The following RAP1GAP2 variants were observed in gnomAD, a reference collection of about 807,000 sequenced individuals.
The protein encoded by RAP1GAP2 is rap1 GTPase-activating protein 2.
In RAP1GAP2, 27 loss-of-function variants were observed where a neutral mutation model predicts 95.0. The observed-to-expected ratio is 0.28, with a 90% CI of 0.21 to 0.39. The LOEUF is 0.39. Among genes scored for constraint, RAP1GAP2 ranks in the 10% least tolerant of loss-of-function variants. RAP1GAP2 has a pLI of 1.00. For missense variants in RAP1GAP2, 771 were observed against 970.0 expected, an observed-to-expected ratio of 0.79 and a Z score of 2.72; for synonymous variants, 373 against 380.9, an observed-to-expected ratio of 0.98 and a Z score of 0.24.
At chr17:2,762,645 C>T (rs917562299) in intron 1 of RAP1GAP2, among the ~76,000 whole-genome samples, 2 of 151,812 alleles carry the variant, frequency 1.3e-5, no homozygotes, top group Non-Finnish European at 2.9e-5. Flanking sequence ...AGATGATCCA[C>T]TTGCCTTGGC....
intron 3 of RAP1GAP2, among the ~76,000 whole-genome samples, chr17:2,949,471 T>C (rs902804151): frequency 1.3e-5 from 2 of 152,014 alleles, no homozygotes; most frequent in African/African-American, 2.4e-5. Context: ...GAGCATTAAC[T>C]GAGTGCCTGT....
chr17:2,947,733 G>A (rs1163546674), intron 3 of RAP1GAP2, among the ~76,000 whole-genome samples: 4 of 151,830 alleles, frequency 2.6e-5, no homozygotes, highest in Non-Finnish European at 5.9e-5. Context: ...CGGGCAGTGT[G>A]GCGTGCTCGG....
At chr17:2,846,015 C>T (rs1239348652) in intron 2 of RAP1GAP2, among the ~76,000 whole-genome samples, 2 of 151,802 alleles carry the variant, frequency 1.3e-5, no homozygotes, top group East Asian at 3.9e-4. Context: ...AACCGAGTCT[C>T]TACTAAAAAT....
At position 2,902,931 on chromosome 17, in the gene RAP1GAP2, A is replaced by C. The variant is rs1354807472; in HGVS notation, c.81-2353A>C. Among the ~76,000 whole-genome samples, 1 of 152,110 alleles carries C rather than the reference A, an allele frequency of 6.6e-6. No individual in the cohort carries two copies. The highest frequency in any genetic ancestry group is 1.5e-5 in the Non-Finnish European group (1 of 68,018). On this transcript the variant is annotated intron_variant, in intron 2 of 24. Transcript: ENST00000254695. The surrounding 1 kb of genome is among the most constrained non-coding windows in gnomAD (Gnocchi z 4.1). ...CATGAGCGTGGACACCTTGTGCCTG[A>C]TGGGGAAAAATAGACAGCATGACTG... is the stretch of plus-strand genomic sequence containing the variant.
chr17:2,821,935 G>T (rs2070322700), intron 2 of RAP1GAP2, among the ~76,000 whole-genome samples: 1 of 152,134 alleles, frequency 6.6e-6, no homozygotes, highest in South Asian at 2.1e-4. Context: ...GTCTATGATG[G>T]ATTACGCACT....
rs1555565310 is a variant in RAP1GAP2, at chr17:2,904,530, C to CTCTGTGTGTGTGTGTG, written c.81-753_81-752insCTGTGTGTGTGTGTGT. 7.7e-6 allele frequency among the ~76,000 whole-genome samples: 1 copy of CTCTGTGTGTGTGTGTG among 129,082 alleles called. No individual in the cohort carries two copies. Among genetic ancestry groups the CTCTGTGTGTGTGTGTG allele is most frequent in the African/African-American group, 2.9e-5 (1 of 35,024 alleles). 84.7% of individuals were successfully genotyped at this position (129,082 alleles called of 152,430 possible). A position where few individuals can be genotyped will look rare whatever the true frequency, so the allele number is the denominator to read the frequency against. On this transcript the variant is annotated intron_variant, in intron 2 of 24. Transcript: ENST00000254695. This position sits in a 1 kb window ranked among gnomAD's most constrained non-coding sequence, Gnocchi z 4.7. Reference sequence around the variant, plus strand: ...CCGAGGACAGCTTTTTGACCAGGGCCTGTGTGTGTGTGTGTGTGTGTGTGT... The same window carrying CTCTGTGTGTGTGTGTG: ...CCGAGGACAGCTTTTTGACCAGGGCCTCTGTGTGTGTGTGTGTGTGTGTGTGTGTGTGTGTGTGTGT...
intron 2 of RAP1GAP2, among the ~76,000 whole-genome samples, chr17:2,894,189 G>A (rs569875420): frequency 4.6e-5 from 7 of 151,860 alleles, no homozygotes; most frequent in Non-Finnish European, 8.8e-5. Context: ...AGCACTTTGG[G>A]AGGCCAAGGC....
intron 3 of RAP1GAP2, among the ~76,000 whole-genome samples, chr17:2,938,703 C>T (rs1429494814): frequency 2.0e-5 from 3 of 152,042 alleles, no homozygotes; most frequent in African/African-American, 4.8e-5. Flanking sequence ...AAATAAATAT[C>T]TGGCTGGGTG....
intron 2 of RAP1GAP2, among the ~76,000 whole-genome samples, chr17:2,807,263 C>G (rs761774249): frequency 2.0e-5 from 3 of 152,196 alleles, no homozygotes; most frequent in Admixed American, 1.3e-4. Flanking sequence ...TTCATTCCCC[C>G]ACCTTTGGCC....
chr17:2,868,976 G>T lies in RAP1GAP2; in HGVS notation c.81-36308G>T, dbSNP rs79487580. 2.4e-3 allele frequency among the ~76,000 whole-genome samples: 361 copies of T among 152,138 alleles called. 2 individuals are homozygous for T. Among genetic ancestry groups the T allele is most frequent in the African/African-American group, 8.2e-3 (339 of 41,506 alleles). On this transcript the variant is annotated intron_variant, in intron 2 of 24. Coordinates refer to ENST00000254695, the MANE Select transcript of RAP1GAP2 (RefSeq NM_015085.5). The stretch of plus-strand genomic sequence containing the variant: ...ACTGGCAGATGGGGTGTCTCATGAG[G>T]GCTCAAATCCTGCATCACAGACAAC...
At chr17:2,875,949 T>TC (rs1389084176) in intron 2 of RAP1GAP2, among the ~76,000 whole-genome samples, 2 of 151,534 alleles carry the variant, frequency 1.3e-5, no homozygotes, top group East Asian at 3.9e-4. Context: ...TGTTTGTTTT[T>TC]TTTTTTGAGA....
At chr17:2,996,609 T>C (rs540792219) in intron 13 of RAP1GAP2, among the ~76,000 whole-genome samples, 3 of 152,302 alleles carry the variant, frequency 2.0e-5, no homozygotes, top group South Asian at 2.1e-4. Flanking sequence ...ACCTTTCACC[T>C]CCAGCCCCTC....
chr17:2,932,974 G>A (rs926749311), intron 3 of RAP1GAP2, among the ~76,000 whole-genome samples: 1 of 152,184 alleles, frequency 6.6e-6, no homozygotes, highest in Non-Finnish European at 1.5e-5. Context: ...GATTGCGGGA[G>A]GAGGGGAATG....
chr17:2,759,988 C>T (rs777339125), intron 1 of RAP1GAP2, among the ~76,000 whole-genome samples: 5 of 152,148 alleles, frequency 3.3e-5, no homozygotes, highest in Non-Finnish European at 5.9e-5. Flanking sequence ...TTTATATTAT[C>T]TCCAGTGATG....
intron 2 of RAP1GAP2, among the ~76,000 whole-genome samples, chr17:2,859,017 C>T (rs1019807781): frequency 2.6e-5 from 4 of 151,806 alleles, no homozygotes; most frequent in South Asian, 2.1e-4. Context: ...CCAGTTGTCT[C>T]GTAAAAGTTT....
At chr17:2,981,029 G>A (rs995919114) in intron 9 of RAP1GAP2, among the ~76,000 whole-genome samples, 166 bp from the exon 10 acceptor site, 1 of 152,170 alleles carries the variant, frequency 6.6e-6, no homozygotes, top group Non-Finnish European at 1.5e-5. Flanking sequence ...AGAAAGGGCG[G>A]TTGACTTGCC....
rs769218293 is a variant in RAP1GAP2, at chr17:3,026,960, C to T, written c.1997C>T (p.Thr666Met). The T allele has an allele frequency of 7.7e-6, 12 of 1,552,594 alleles. No individual in the cohort carries two copies. In the Admixed American group the frequency reaches 1.6e-4, roughly 20 times the overall value. The change falls in exon 22 of 25, where the codon ACG becomes ATG. Residue 666 changes from threonine (T) to methionine (M), a missense_variant. Transcript: ENST00000254695. ...TCTCCTCAGGGCAGCCAGCCGTCCA[C>T]GACCTCACCCTTCAAGCAGGAGGTG... is the stretch of plus-strand genomic sequence containing the variant. ...EGDSGGSQPS[T>M]TSPFKQEVFV...
In RAP1GAP2 at chr17:2,963,398, C is replaced by T. The variant is rs1384622404; in HGVS notation, c.247-32C>T. The T allele has an allele frequency of 6.2e-7, 1 of 1,613,640 alleles. No individual in the cohort carries two copies. The highest frequency in any genetic ancestry group is 1.7e-4 in the Middle Eastern group (1 of 6,060). On this transcript the variant is annotated intron_variant, in intron 5 of 24. Transcript: ENST00000254695. The surrounding 1 kb of genome is among the most constrained non-coding windows in gnomAD (Gnocchi z 4.8). ...TCAGACTTTACGGGCACTGCCGGGA[C>T]TAACGGTGGCATCATCTGGTTTGTC...
At chr17:2,928,447 G>A (rs1597635772) in intron 3 of RAP1GAP2, among the ~76,000 whole-genome samples, 1 of 152,090 alleles carries the variant, frequency 6.6e-6, no homozygotes, top group South Asian at 2.1e-4. Context: ...GACAGCCTGC[G>A]TGTCCGGGGT....
Sources: allele counts gnomAD v4.1 joint callset (sites outside exome capture counted in the v4.1 genomes callset), GRCh38; gene constraint gnomAD v4.1.1; non-coding constraint Gnocchi (gnomAD v3.1); transcripts MANE v1.5; gene names NCBI Gene and HGNC (gene_info 2026-07-23, HGNC 2026-07-21).